The following CDH12 variants were observed in gnomAD, a reference collection of about 807,000 sequenced individuals.
CDH12 encodes cadherin 12.
Under a neutral mutation model 74.1 loss-of-function variants are expected in CDH12, and 41 were observed. The ratio of observed to expected loss-of-function variants is 0.55; its 90% CI spans 0.43 to 0.72. CDH12 has a LOEUF of 0.72. Ranked by LOEUF, CDH12 falls within the 30% of genes least tolerant of loss-of-function variation. The pLI is 0.00. For synonymous variants in CDH12, 399 were observed against 355.0 expected (o/e 1.12, Z -1.39); for missense variants, 945 against 977.2 (o/e 0.97, Z 0.44).
intron 1 of CDH12, among the ~76,000 whole-genome samples, chr5:22,560,168 T>C (rs1272050099): frequency 6.6e-6 from 1 of 152,198 alleles, no homozygotes; most frequent in African/African-American, 2.4e-5. Flanking sequence ...GGTTTCAAGG[T>C]TTCAGTTACT....
At chr5:22,121,655 T>G (rs1237526429) in intron 4 of CDH12, among the ~76,000 whole-genome samples, 1 of 152,214 alleles carries the variant, frequency 6.6e-6, no homozygotes, top group Non-Finnish European at 1.5e-5. Flanking sequence ...AAGCTGTATA[T>G]GAAGTCACTT....
At chr5:21,973,339 C>T (rs932076737) in intron 6 of CDH12, among the ~76,000 whole-genome samples, 9 of 152,182 alleles carry the variant, frequency 5.9e-5, no homozygotes, top group Non-Finnish European at 1.2e-4. Context: ...ACCTATTCTT[C>T]CAAAGATCTT....
intron 3 of CDH12, among the ~76,000 whole-genome samples, chr5:22,372,776 T>A (rs912823798): frequency 6.6e-6 from 1 of 152,044 alleles, no homozygotes; most frequent in Admixed American, 6.5e-5. Context: ...CTGGCACCAA[T>A]CTGAAAACAG....
Position 22,448,863 on chromosome 5 carries a change from T to C in CDH12, c.-427-43512A>G, listed in dbSNP as rs918804489. ...TACTGGGCAACAATAACTGAAATAA[T>C]GTATAGAAAAATGCTTTATGATTAT... On this transcript the variant is annotated intron_variant, in intron 2 of 14. Coordinates refer to ENST00000382254, the MANE Select transcript of CDH12 (RefSeq NM_004061.5). 2.0e-5 allele frequency among the ~76,000 whole-genome samples: 3 copies of C among 151,980 alleles called. No homozygotes were observed. The East Asian group carries it at 5.8e-4, about 29-fold the overall frequency.
At chr5:22,569,363 T>A (rs998188987) in intron 1 of CDH12, among the ~76,000 whole-genome samples, 4 of 152,192 alleles carry the variant, frequency 2.6e-5, no homozygotes, top group African/African-American at 9.7e-5. Flanking sequence ...TGTGACATGC[T>A]TGCTCTTGCC....
At chr5:22,539,544 G>A (rs116293313) in intron 1 of CDH12, among the ~76,000 whole-genome samples, 105 of 152,320 alleles carry the variant, frequency 6.9e-4, no homozygotes, top group African/African-American at 2.4e-3. Context: ...TCGTCTCCTT[G>A]CTTTGTCCAC....
chr5:22,239,708 G>A (rs923091008), intron 3 of CDH12, among the ~76,000 whole-genome samples: 1 of 152,162 alleles, frequency 6.6e-6, no homozygotes, highest in Admixed American at 6.5e-5. Flanking sequence ...ACTATTTCAG[G>A]TGGCAACAGT....
At chr5:22,579,067 T>C (rs2126779505) in intron 1 of CDH12, among the ~76,000 whole-genome samples, 1 of 152,242 alleles carries the variant, frequency 6.6e-6, no homozygotes, top group Admixed American at 6.5e-5. Context: ...AACTATACTG[T>C]TTGGTGTTAC....
At chr5:21,872,787 T>TCG (rs1561260383) in intron 6 of CDH12, among the ~76,000 whole-genome samples, 22 of 61,684 alleles carry the variant, frequency 3.6e-4, no homozygotes, top group East Asian at 1.5e-3. Flanking sequence ...GAGTAAGATC[T>TCG]ATCTATCTAT....
intron 5 of CDH12, among the ~76,000 whole-genome samples, chr5:22,007,736 T>C (rs940530502): frequency 6.6e-6 from 1 of 152,172 alleles, no homozygotes; most frequent in African/African-American, 2.4e-5. Flanking sequence ...AGGAAGAAGA[T>C]GGTGAAGTTA....
At chr5:22,562,255 G>T (rs997902119) in intron 1 of CDH12, among the ~76,000 whole-genome samples, 4 of 151,876 alleles carry the variant, frequency 2.6e-5, no homozygotes, top group Admixed American at 6.6e-5. Flanking sequence ...AGGTGGAGCT[G>T]GCAGTGAGCC....
chr5:22,528,673 A>C (rs1384046768), intron 1 of CDH12, among the ~76,000 whole-genome samples: 1 of 152,102 alleles, frequency 6.6e-6, no homozygotes, highest in Non-Finnish European at 1.5e-5. Context: ...ATTAGGAGTG[A>C]CCAGCCAATC....
At chr5:22,802,321 C>T (rs192554433) in intron 1 of CDH12, among the ~76,000 whole-genome samples, 75 of 151,952 alleles carry the variant, frequency 4.9e-4, no homozygotes, top group Middle Eastern at 3.4e-3. Context: ...GGGGTTTCAC[C>T]ATGTTAGCCA....
At chr5:21,853,415 C>CTTTTT (rs984200205) in intron 7 of CDH12, among the ~76,000 whole-genome samples, 2 of 151,256 alleles carry the variant, frequency 1.3e-5, no homozygotes, top group African/African-American at 4.8e-5. Flanking sequence ...ACTCTACCCT[C>CTTTTT]TTTTCAGGTT....
At chr5:22,621,793 T>G (rs1455391282) in intron 1 of CDH12, among the ~76,000 whole-genome samples, 1 of 152,024 alleles carries the variant, frequency 6.6e-6, no homozygotes. Context: ...TGACTGAATA[T>G]TAATTATAAA....
At chr5:22,133,822 T>C (rs192648789) in intron 4 of CDH12, among the ~76,000 whole-genome samples, 8 of 152,202 alleles carry the variant, frequency 5.3e-5, no homozygotes, top group Admixed American at 1.3e-4. Context: ...CACTTAATCA[T>C]GTTATTTTAA....
At chr5:22,392,957 C>T (rs1177788122) in intron 3 of CDH12, among the ~76,000 whole-genome samples, 1 of 152,122 alleles carries the variant, frequency 6.6e-6, no homozygotes, top group Non-Finnish European at 1.5e-5. Context: ...TCTCGGTCAC[C>T]TCCAGGCAGC....
At chr5:22,001,609 A>G (rs1247413564) in intron 5 of CDH12, among the ~76,000 whole-genome samples, 1 of 151,994 alleles carries the variant, frequency 6.6e-6, no homozygotes, top group East Asian at 1.9e-4. Context: ...ATGGTACCCA[A>G]TGGCTAGATT....
At chr5:22,678,671 T>C (rs913437505) in intron 1 of CDH12, among the ~76,000 whole-genome samples, 7 of 152,154 alleles carry the variant, frequency 4.6e-5, no homozygotes, top group Non-Finnish European at 7.4e-5. Context: ...AAAGTGTTTT[T>C]TCTTGTACAG....
Sources: gnomAD v4.1 joint callset for allele counts (sites outside exome capture counted in the v4.1 genomes callset) on GRCh38, gnomAD v4.1.1 for gene constraint, MANE v1.5 for transcripts, NCBI Gene and HGNC (gene_info 2026-07-23, HGNC 2026-07-21) for gene names.